TVP23A: variants seen among roughly 807,000 people sequenced by gnomAD.
The protein encoded by TVP23A is trans-golgi network vesicle protein 23 homolog A, also known as Golgi apparatus membrane protein TVP23 homolog A.
In TVP23A, 21 loss-of-function variants were observed where a neutral mutation model predicts 31.7. The observed-to-expected ratio is 0.66, with a 90% CI of 0.47 to 0.95. The LOEUF (loss-of-function observed/expected upper bound fraction) is 0.95, where lower values mean the gene tolerates loss of function less well. Among genes scored for constraint, TVP23A ranks in the 40% least tolerant of loss-of-function variants. The pLI, the probability that TVP23A is intolerant of heterozygous loss-of-function variation, is 0.00. For missense variants in TVP23A, 279 were observed against 255.6 expected, an observed-to-expected ratio of 1.09 and a Z score of -0.62; for synonymous variants, 104 against 96.0, an observed-to-expected ratio of 1.08 and a Z score of -0.49.
At chr16:10,810,244 G>C (rs1320556636) in intron 2 of TVP23A, among the ~76,000 whole-genome samples, 1 of 152,034 alleles carries the variant, frequency 6.6e-6, no homozygotes, top group Non-Finnish European at 1.5e-5. Flanking sequence ...CATTTGAATT[G>C]GTGGACGGAG....
At chr16:10,758,652 C>T (rs1900736210), downstream of TVP23A, among the ~76,000 whole-genome samples, 1 of 152,188 alleles carries the variant, frequency 6.6e-6, no homozygotes, top group Non-Finnish European at 1.5e-5. Context: ...TACTGTGCTG[C>T]CTGGCCCCGT....
intron 2 of TVP23A, among the ~76,000 whole-genome samples, chr16:10,780,857 C>G (rs1451432572): frequency 6.6e-6 from 1 of 152,092 alleles, no homozygotes; most frequent in Non-Finnish European, 1.5e-5. Flanking sequence ...TGTGAAATTC[C>G]CCCTCTGACC....
At chr16:10,766,122 G>A (rs938893751), downstream of TVP23A, 8 of 152,404 alleles carry the variant, frequency 5.2e-5, no homozygotes, top group Non-Finnish European at 8.8e-5. The surrounding 1 kb of genome is among the most constrained non-coding windows in gnomAD (Gnocchi z 4.8). Flanking sequence ...AGATGCCAGC[G>A]CTCTGGTGCT....
chr16:10,762,874 G>A (rs918826840), downstream of TVP23A, among the ~76,000 whole-genome samples: 8 of 151,882 alleles, frequency 5.3e-5, no homozygotes, highest in African/African-American at 1.2e-4. Flanking sequence ...GGCCACGTGG[G>A]GAGCCTTGGG....
At chr16:10,780,379 T>C (rs953634060) in intron 2 of TVP23A, among the ~76,000 whole-genome samples, 4 of 152,134 alleles carry the variant, frequency 2.6e-5, no homozygotes, top group African/African-American at 7.2e-5. Context: ...AATGGGTCCT[T>C]TGTTATCTTG....
intron 2 of TVP23A, among the ~76,000 whole-genome samples, chr16:10,814,498 C>T (rs997780135): frequency 6.6e-6 from 1 of 152,136 alleles, no homozygotes; most frequent in African/African-American, 2.4e-5. Flanking sequence ...CAAGGCGGGC[C>T]GATTCTACCT....
intron 2 of TVP23A, among the ~76,000 whole-genome samples, chr16:10,778,009 C>CA (rs34404472): frequency 0.099 from 14,783 of 149,732 alleles, 1,710 homozygotes; most frequent in East Asian, 0.53. Context: ...GACTCCGTCT[C>CA]AAAAAAAATA....
At chr16:10,764,327 T>G (rs1182490309), downstream of TVP23A, among the ~76,000 whole-genome samples, 1 of 152,212 alleles carries the variant, frequency 6.6e-6, no homozygotes, top group East Asian at 1.9e-4. Flanking sequence ...CTCAGTCTGC[T>G]GGAGTGTGGC....
intron 2 of TVP23A, among the ~76,000 whole-genome samples, chr16:10,808,786 C>A (rs530344908): frequency 5.6e-4 from 85 of 152,074 alleles, no homozygotes; most frequent in African/African-American, 1.9e-3. Flanking sequence ...CCCCACAACT[C>A]CCCAAAAGAA....
At chr16:10,770,596 G>C (rs1450194551) in intron 6 of TVP23A, among the ~76,000 whole-genome samples, 2 of 151,378 alleles carry the variant, frequency 1.3e-5, no homozygotes, top group African/African-American at 2.4e-5. Context: ...AAACAAGCTG[G>C]GCACGGTAGC....
Position 10,818,731 on chromosome 16 carries a change from G to A in TVP23A, c.-238C>T. 6.0e-6 allele frequency: 3 copies of A among 500,678 alleles called. No homozygotes were observed. Among genetic ancestry groups the A allele is most frequent in the Admixed American group, 4.3e-5 (1 of 23,456 alleles). The allele number at this position is 500,678 out of a possible 1,614,324, so 31.0% of individuals were successfully genotyped here. On this transcript the variant is annotated 5_prime_UTR_variant, in exon 1 of 8. Coordinates refer to ENST00000299866, the MANE Select transcript of TVP23A (RefSeq NM_001079512.4). This position sits in a 1 kb window ranked among gnomAD's most constrained non-coding sequence, Gnocchi z 4.7. ...CTCGGCTCGCCGGGGACGCGCCCAG[G>A]AGAGAAAGCGGCGGCAGGGAGGCAA...
rs2034558915 is a variant in TVP23A at position 10,818,720 on chromosome 16, G to A, written c.-227C>T. ...TGGGGAGGGGGCTCGGCTCGCCGGG[G>A]ACGCGCCCAGGAGAGAAAGCGGCGG... On this transcript the variant is annotated 5_prime_UTR_variant, in exon 1 of 8. Coordinates refer to ENST00000299866, the MANE Select transcript of TVP23A (RefSeq NM_001079512.4). This position sits in a 1 kb window ranked among gnomAD's most constrained non-coding sequence, Gnocchi z 4.7. The A allele has an allele frequency of 1.4e-5, 7 of 512,428 alleles. No individual in the cohort carries two copies. The highest frequency in any genetic ancestry group is 3.3e-6 in the Non-Finnish European group (1 of 298,906). The allele number at this position is 512,428 out of a possible 1,614,324, so 31.7% of individuals were successfully genotyped here.
chr16:10,775,215 C>T (rs774172619), intron 2 of TVP23A, 119 bp from the exon 3 acceptor site: 46 of 1,470,450 alleles, frequency 3.1e-5, no homozygotes, highest in South Asian at 1.3e-4. Context: ...ATGTTCTCCC[C>T]GGTGCATATG....
chr16:10,778,661 T>TA (rs532972083), intron 2 of TVP23A, among the ~76,000 whole-genome samples: 15,870 of 138,058 alleles, frequency 0.11, 1,683 homozygotes, highest in East Asian at 0.51. Flanking sequence ...AATACAAATG[T>TA]AAAAAAAAAA....
At chr16:10,763,648 G>C (rs1427329412), downstream of TVP23A, 1 of 152,382 alleles carries the variant, frequency 6.6e-6, no homozygotes, top group Non-Finnish European at 1.5e-5. Context: ...GATGTGATTG[G>C]GGACAGGAGC....
chr16:10,777,437 G>A lies in TVP23A; in HGVS notation c.90-2341C>T, dbSNP rs979772518. On this transcript the variant is annotated intron_variant, in intron 2 of 7. Coordinates refer to ENST00000299866, the MANE Select transcript of TVP23A (RefSeq NM_001079512.4). The surrounding 1 kb of genome is among the most constrained non-coding windows in gnomAD (Gnocchi z 4.5). ...GGAAAATGCGGGGCCGAATGGGGTGGTCACAGAGATCCACACAGAACTGCA... is the reference window on the plus strand; with the variant it reads ...GGAAAATGCGGGGCCGAATGGGGTGATCACAGAGATCCACACAGAACTGCA... 2.1e-5 allele frequency among the ~76,000 whole-genome samples: 3 copies of A among 144,754 alleles called. No homozygotes were observed. Among genetic ancestry groups the A allele is most frequent in the Non-Finnish European group, 4.6e-5 (3 of 64,854 alleles). The allele number at this position is 144,754 out of a possible 152,430, so 95.0% of individuals were successfully genotyped here. A position where few individuals can be genotyped will look rare whatever the true frequency, so the allele number is the denominator to read the frequency against.
In TVP23A at chr16:10,779,212, G is replaced by C. The variant is rs1312665307; in HGVS notation, c.90-4116C>G. On this transcript the variant is annotated intron_variant, in intron 2 of 7. Transcript: ENST00000299866. The surrounding 1 kb of genome is among the most constrained non-coding windows in gnomAD (Gnocchi z 4.9). ...AAACAGAGTTCAAAGCCCAAAGCAA[G>C]TAGAAGAGGACGCCTGTTGCCCTTT... Among the ~76,000 whole-genome samples the C allele has an allele frequency of 6.6e-6, 1 of 152,202 alleles. No individual in the cohort carries two copies. The highest frequency in any genetic ancestry group is 1.5e-5 in the Non-Finnish European group (1 of 68,044).
At position 10,775,066 on chromosome 16, in the gene TVP23A, A is replaced by G. The variant is rs1245136026; in HGVS notation, c.120T>C (p.Phe40=). 1 of 1,610,826 alleles carries G rather than the reference A, an allele frequency of 6.2e-7. No individual in the cohort carries two copies. Among genetic ancestry groups the G allele is most frequent in the South Asian group, 1.1e-5 (1 of 90,326 alleles). The change falls in exon 3 of 8, where the codon TTT becomes TTC. Residue 40 remains phenylalanine (F), a synonymous_variant. Transcript: ENST00000299866. ...AGGTGACGATGGCACTCACTCGGAA[A>G]AACAGGTGGAAAAAGGTGGCCAAGG... ...RHPLATFFHL[F]FRVSAIVTYV...
chr16:10,761,664 C>CT (rs36097495), intron 8 of TVP23A: 25,607 of 901,622 alleles, frequency 0.028, no homozygotes, highest in South Asian at 0.032. Context: ...CAAACTAAGC[C>CT]TTTTTTTTTT....
Sources: allele counts gnomAD v4.1 joint callset (sites outside exome capture counted in the v4.1 genomes callset), GRCh38; gene constraint gnomAD v4.1.1; non-coding constraint Gnocchi (gnomAD v3.1); transcripts MANE v1.5; gene names NCBI Gene and HGNC (gene_info 2026-07-23, HGNC 2026-07-21).